Variants in DAB1 observed in about 807,000 individuals in gnomAD.
DAB1 encodes DAB adaptor protein 1.
A neutral mutation model predicts 64.6 loss-of-function variants in DAB1; 15 were observed. That is an observed-to-expected ratio of 0.23 (90% confidence interval 0.16 to 0.36). DAB1 has a LOEUF of 0.36. DAB1 is among the 10% of genes least tolerant of loss of function. DAB1 has a pLI of 1.00. For missense variants in DAB1, 596 were observed against 706.7 expected (o/e 0.84, Z 1.78); for synonymous variants, 235 against 251.9 (o/e 0.93, Z 0.64).
chr1:58,530,500 T>C (rs1646418691), intron 1 of DAB1: 3 of 683,378 alleles, frequency 4.4e-6, no homozygotes, highest in Admixed American at 2.5e-5. Flanking sequence ...CCATATTTCA[T>C]AGTAAAATGT....
At chr1:57,958,866 T>C (rs1645451544) in intron 5 of DAB1, among the ~76,000 whole-genome samples, 1 of 152,238 alleles carries the variant, frequency 6.6e-6, no homozygotes, top group Non-Finnish European at 1.5e-5. Flanking sequence ...CCAGTCTTAT[T>C]AAATTAGAGA....
intron 5 of DAB1, among the ~76,000 whole-genome samples, chr1:58,119,843 T>G (rs1159621541): frequency 6.6e-6 from 1 of 152,136 alleles, no homozygotes; most frequent in African/African-American, 2.4e-5. Flanking sequence ...GACATGATGC[T>G]CCTATTTATT....
In DAB1 at chr1:57,326,880, AG is replaced by A. The variant is rs138255201; in HGVS notation, c.-136-35715del. 9.6e-3 allele frequency among the ~76,000 whole-genome samples: 1,466 copies of A among 152,318 alleles called. 18 individuals are homozygous for A. Among genetic ancestry groups the A allele is most frequent in the Non-Finnish European group, 0.015 (994 of 68,030 alleles). ...GCTTAGGGCTTCAACACAGGAATCT[AG>A]GGGTACACAAACCCACAGTGCTGTT... On this transcript the variant is annotated intron_variant, in intron 1 of 14. Transcript: ENST00000371236.
chr1:57,894,053 T>A (rs766399148), intron 5 of DAB1, among the ~76,000 whole-genome samples: 2 of 152,134 alleles, frequency 1.3e-5, no homozygotes, highest in Non-Finnish European at 2.9e-5. Flanking sequence ...CCACTGTGCA[T>A]GTGGGCAGCC....
chr1:57,074,898 G>C (rs1294582359), intron 4 of DAB1, among the ~76,000 whole-genome samples: 1 of 152,118 alleles, frequency 6.6e-6, no homozygotes, highest in Admixed American at 6.5e-5. Context: ...GAGGAAAATT[G>C]CTCAAACAGT....
chr1:57,375,503 C>G (rs544084485), intron 1 of DAB1, among the ~76,000 whole-genome samples: 1 of 152,122 alleles, frequency 6.6e-6, no homozygotes, highest in Non-Finnish European at 1.5e-5. Context: ...AGCTCTTTTA[C>G]GTAGATTAAA....
chr1:57,460,205 T>C (rs1260164195), intron 7 of DAB1, among the ~76,000 whole-genome samples: 1 of 152,224 alleles, frequency 6.6e-6, no homozygotes, highest in African/African-American at 2.4e-5. Flanking sequence ...GCACACAGTA[T>C]GGTGAGCATA....
intron 3 of DAB1, among the ~76,000 whole-genome samples, chr1:58,453,889 G>A (rs888958718): frequency 2.0e-5 from 3 of 152,016 alleles, no homozygotes; most frequent in Non-Finnish European, 4.4e-5. Context: ...TAGCTCCCAG[G>A]CCTGCCCAGC....
chr1:57,934,119 G>A (rs1644992922), intron 5 of DAB1, among the ~76,000 whole-genome samples: 1 of 132,026 alleles, frequency 7.6e-6, no homozygotes, highest in Admixed American at 7.9e-5. Context: ...TAGAGACGAG[G>A]TTTCACCATG....
chr1:57,213,199 G>A (rs1004564188), intron 2 of DAB1, among the ~76,000 whole-genome samples: 21 of 152,016 alleles, frequency 1.4e-4, no homozygotes, highest in Non-Finnish European at 2.1e-4. Context: ...GGGGGATGGG[G>A]GGTGGGATTC....
intron 9 of DAB1, among the ~76,000 whole-genome samples, chr1:57,057,859 T>G (rs12083783): frequency 2.0e-5 from 3 of 151,996 alleles, no homozygotes; most frequent in African/African-American, 7.3e-5. Context: ...CCGCCCGCCT[T>G]GGCCTCCCAA....
chr1:58,035,416 G>T (rs914229536), intron 5 of DAB1, among the ~76,000 whole-genome samples: 3 of 152,196 alleles, frequency 2.0e-5, no homozygotes, highest in Non-Finnish European at 4.4e-5. Flanking sequence ...AACTCCAGGG[G>T]ACTAAGATGT....
At chr1:58,491,591 C>CA (rs1557439128) in intron 3 of DAB1, among the ~76,000 whole-genome samples, 1 of 151,418 alleles carries the variant, frequency 6.6e-6, no homozygotes, top group Non-Finnish European at 1.5e-5. Context: ...AAATGGAAAA[C>CA]AAAAAAAGGC....
intron 5 of DAB1, among the ~76,000 whole-genome samples, chr1:58,124,997 TTATTA>T (rs1346234483): frequency 6.6e-6 from 1 of 152,202 alleles, no homozygotes; most frequent in African/African-American, 2.4e-5. Context: ...GCTGTCGTTA[TTATTA>T]TATTTGATCA....
chr1:58,521,790 C>A (rs111357895), intron 2 of DAB1, among the ~76,000 whole-genome samples: 2 of 152,194 alleles, frequency 1.3e-5, no homozygotes, highest in Non-Finnish European at 2.9e-5. Flanking sequence ...ATGAAGAAAT[C>A]TTCAGGCCCA....
intron 5 of DAB1, among the ~76,000 whole-genome samples, chr1:57,940,763 A>T (rs1263346076): frequency 6.6e-6 from 1 of 152,212 alleles, no homozygotes; most frequent in Non-Finnish European, 1.5e-5. Context: ...CAAAGGATGG[A>T]ATCCCTGCAA....
At chr1:58,267,349 C>T (rs583128) in intron 4 of DAB1, among the ~76,000 whole-genome samples, 140,031 of 152,314 alleles carry the variant, frequency 0.92, 64,369 homozygotes, top group South Asian at 0.95. Context: ...AAAAGTGTCA[C>T]CGGGGTTCTT....
At chr1:57,527,830 G>A (rs750928453) in intron 7 of DAB1, among the ~76,000 whole-genome samples, 120 of 152,222 alleles carry the variant, frequency 7.9e-4, no homozygotes, top group Non-Finnish European at 1.3e-3. Context: ...TGATAAATTC[G>A]TGCTGACATT....
intron 14 of DAB1, among the ~76,000 whole-genome samples, chr1:56,999,038 A>C (rs1645743003): frequency 6.6e-6 from 1 of 152,166 alleles, no homozygotes; most frequent in Non-Finnish European, 1.5e-5. Flanking sequence ...TCTGTGCCAG[A>C]ATTAAACGGG....
Sources: gnomAD v4.1 joint callset for allele counts (sites outside exome capture counted in the v4.1 genomes callset) on GRCh38, gnomAD v4.1.1 for gene constraint, MANE v1.5 for transcripts, NCBI Gene and HGNC (gene_info 2026-07-23, HGNC 2026-07-21) for gene names.